The following ZNF385A variants were observed in gnomAD, a reference collection of about 807,000 sequenced individuals.
The protein encoded by ZNF385A is hematopoietic zinc finger protein.
A neutral mutation model predicts 32.1 loss-of-function variants in ZNF385A; 14 were observed. The ratio of observed to expected loss-of-function variants is 0.44; its 90% CI spans 0.29 to 0.68. ZNF385A has a LOEUF of 0.68. Ranked by LOEUF, ZNF385A falls within the 30% of genes least tolerant of loss-of-function variation. The pLI, the probability that ZNF385A is intolerant of heterozygous loss-of-function variation, is 0.14. For synonymous variants in ZNF385A, 197 were observed against 202.7 expected (o/e 0.97, Z 0.24); for missense variants, 406 against 478.4 (o/e 0.85, Z 1.41).
intron 1 of ZNF385A, among the ~76,000 whole-genome samples, chr12:54,390,252 T>C (rs1473432629): frequency 1.3e-5 from 2 of 151,760 alleles, no homozygotes; most frequent in Admixed American, 6.6e-5. Context: ...AGCAGGCCTG[T>C]GGACTATTGT....
rs1382294367 is a variant in ZNF385A at position 54,384,591 on chromosome 12, G to A, written c.-77C>T. 3.5e-6 allele frequency: 5 copies of A among 1,434,548 alleles called. No homozygotes were observed. The highest frequency in any genetic ancestry group is 4.6e-6 in the Non-Finnish European group (5 of 1,094,340). 88.9% of individuals were successfully genotyped at this position (1,434,548 alleles called of 1,614,324 possible). A position where few individuals can be genotyped will look rare whatever the true frequency, so the allele number is the denominator to read the frequency against. ...TGAAGGGCAGAGAAAACATTCTGTG[G>A]GGTAGGAAGATTAAAGCTTGGGAAC... On this transcript the variant is annotated 5_prime_UTR_variant, in exon 1 of 7. Coordinates refer to ENST00000394313, the MANE Select transcript of ZNF385A (RefSeq NM_015481.3).
intron 1 of ZNF385A, chr12:54,379,339 G>T: frequency 3.2e-6 from 1 of 314,122 alleles, no homozygotes; most frequent in Non-Finnish European, 4.6e-6. Context: ...GCGGAAAGAG[G>T]GAGATGTCCA....
At chr12:54,374,253 C>T (rs1393719341) in intron 2 of ZNF385A, 118 bp from the exon 3 acceptor site, 6 of 971,838 alleles carry the variant, frequency 6.2e-6, no homozygotes, top group East Asian at 3.0e-5. Context: ...TTTTTCTGTA[C>T]ACCAGTGAGA....
chr12:54,376,297 C>T (rs1954847505), intron 1 of ZNF385A, among the ~76,000 whole-genome samples: 2 of 152,134 alleles, frequency 1.3e-5, no homozygotes, highest in Admixed American at 1.3e-4. Flanking sequence ...TGACTTATCT[C>T]CTACAGTGAA....
Position 54,371,515 on chromosome 12 carries a change from C to T in ZNF385A, c.562G>A (p.Val188Met). The change falls in exon 4 of 7, where the codon GTG becomes ATG. Residue 188 changes from valine (V) to methionine (M), a missense_variant. By Grantham distance (21) the Val-to-Met change is conservative. Transcript: ENST00000394313. ...AGCTGGGACAGGGAGTTCACAGCCA[C>T]CTTGCACAGAGCACAGTAGAGCAGC... is the stretch of plus-strand genomic sequence containing the variant. ...KRLLYCALCK[V>M]AVNSLSQLEA... 3 of 1,612,752 alleles carry T rather than the reference C, an allele frequency of 1.9e-6. No homozygotes were observed. The highest frequency in any genetic ancestry group is 2.5e-6 in the Non-Finnish European group (3 of 1,179,544).
chr12:54,377,090 C>T (rs535002597), intron 1 of ZNF385A, among the ~76,000 whole-genome samples: 2 of 152,304 alleles, frequency 1.3e-5, no homozygotes, highest in African/African-American at 4.8e-5. Context: ...CAATGAGACA[C>T]TGGTGAGAGA....
chr12:54,374,437 C>T (rs1344084508), intron 2 of ZNF385A, among the ~76,000 whole-genome samples: 1 of 152,138 alleles, frequency 6.6e-6, no homozygotes, highest in East Asian at 1.9e-4. Context: ...ACAGGGGGAC[C>T]ACAAACCTAT....
upstream of ZNF385A, among the ~76,000 whole-genome samples, chr12:54,389,357 G>A (rs80135114): frequency 4.2e-3 from 638 of 152,284 alleles, 4 homozygotes; most frequent in Non-Finnish European, 6.8e-3. Context: ...GGGTGGGGCC[G>A]GAGCCCTGGC....
intron 3 of ZNF385A, among the ~76,000 whole-genome samples, chr12:54,372,163 T>G (rs2137169656): frequency 6.6e-6 from 1 of 152,280 alleles, no homozygotes; most frequent in Non-Finnish European, 1.5e-5. Context: ...TCTGGAGAGA[T>G]AAACACAGGC....
intron 2 of ZNF385A, 95 bp downstream of exon 2, chr12:54,375,749 C>G (rs1217207037): frequency 9.6e-7 from 1 of 1,042,314 alleles, no homozygotes; most frequent in Non-Finnish European, 1.5e-6. Context: ...GCCCCTCAAC[C>G]AGAGTAAGTG....
intron 1 of ZNF385A, chr12:54,391,143 C>G: frequency 1.5e-6 from 2 of 1,373,278 alleles, no homozygotes; most frequent in Non-Finnish European, 1.9e-6. Flanking sequence ...GCCGCAGTCA[C>G]CGCGGTGCCG....
At chr12:54,389,994 A>C (rs1454418893) in intron 1 of ZNF385A, among the ~76,000 whole-genome samples, 4 of 152,166 alleles carry the variant, frequency 2.6e-5, no homozygotes. Flanking sequence ...GAGGAAGGGC[A>C]GAAGGACAAT....
chr12:54,382,125 T>A (rs1029240353), intron 1 of ZNF385A, among the ~76,000 whole-genome samples: 4 of 151,754 alleles, frequency 2.6e-5, no homozygotes, highest in Middle Eastern at 3.4e-3. Context: ...TGGAGTGCAG[T>A]GGCGCAATCT....
chr12:54,371,151 A>G, intron 4 of ZNF385A, 55 bp from the exon 5 acceptor site: 2 of 1,523,602 alleles, frequency 1.3e-6, no homozygotes, highest in Non-Finnish European at 1.8e-6. Flanking sequence ...ATCCAGGCCT[A>G]CTGGGCCTCA....
exon 1 of ZNF385A, chr12:54,391,292 C>A: frequency 7.6e-7 from 1 of 1,321,424 alleles, no homozygotes; most frequent in Non-Finnish European, 9.7e-7. Context: ...GTCCCGGGGG[C>A]CGTTCTGGCC....
intron 1 of ZNF385A, among the ~76,000 whole-genome samples, chr12:54,390,841 G>A (rs151146734): frequency 3.3e-5 from 5 of 151,916 alleles, no homozygotes; most frequent in African/African-American, 1.2e-4. Context: ...AGCTAAGGGT[G>A]GGGGAAGACG....
At chr12:54,371,158 C>A in intron 4 of ZNF385A, 62 bp from the exon 5 acceptor site, 2 of 1,510,740 alleles carry the variant, frequency 1.3e-6, no homozygotes, top group Non-Finnish European at 1.8e-6. Flanking sequence ...CCTACTGGGC[C>A]TCAGAATGCA....
chr12:54,371,022 G>C lies in ZNF385A; in HGVS notation c.679C>G (p.Pro227Ala). ...GGAGCCTCTGGTTCCCCCGGGGTGG[G>C]AGGCCCCAGCCGAGGGTAAGCTTTG... The part of the protein sequence containing the change: ...PIKAYPRLGP[P>A]TPGEPEAPAQ... Residue 227 changes from proline to alanine, a missense_variant, in exon 5 of 7, where the codon CCC (proline) becomes GCC (alanine). By Grantham distance (27) the Pro-to-Ala change is conservative. Transcript: ENST00000394313. The C allele has an allele frequency of 6.2e-7, 1 of 1,614,198 alleles. No individual in the cohort carries two copies. The highest frequency in any genetic ancestry group is 8.5e-7 in the Non-Finnish European group (1 of 1,180,018).
At position 54,370,583 on chromosome 12, in the gene ZNF385A, C is replaced by A; in HGVS notation, c.870+43G>T. ...AGCCCGCGTCCCTCTCTCCTCCCCG[C>A]CCGCGCCCTCCCACTGCTGAATTCC... On this transcript the variant is annotated intron_variant, in intron 6 of 6. Transcript: ENST00000394313. This position sits in a 1 kb window ranked among gnomAD's most constrained non-coding sequence, Gnocchi z 5.5. The A allele has an allele frequency of 1.9e-6, 3 of 1,561,190 alleles. No individual in the cohort carries two copies. Among genetic ancestry groups the A allele is most frequent in the Non-Finnish European group, 2.6e-6 (3 of 1,152,338 alleles).
Sources: allele counts gnomAD v4.1 joint callset (sites outside exome capture counted in the v4.1 genomes callset), GRCh38; gene constraint gnomAD v4.1.1; non-coding constraint Gnocchi (gnomAD v3.1); transcripts MANE v1.5; gene names NCBI Gene and HGNC (gene_info 2026-07-23, HGNC 2026-07-21).